The following DCLRE1C variants were observed in gnomAD, a reference collection of about 807,000 sequenced individuals.
The protein encoded by DCLRE1C is protein artemis.
DCLRE1C carries 47 observed loss-of-function variants against 61.4 expected under a neutral mutation model. The ratio of observed to expected loss-of-function variants is 0.77; its 90% CI spans 0.61 to 0.98. The LOEUF (loss-of-function observed/expected upper bound fraction) is 0.98, where lower values mean the gene tolerates loss of function less well. Ranked by LOEUF, DCLRE1C falls within the 50% of genes least tolerant of loss-of-function variation. DCLRE1C has a pLI of 0.00. For missense variants in DCLRE1C, 858 were observed against 816.0 expected (o/e 1.05, Z -0.63); for synonymous variants, 337 against 287.6 (o/e 1.17, Z -1.74).
intron 1 of DCLRE1C, 99 bp downstream of exon 1, chr10:14,953,803 T>TCC (rs1411739462): frequency 6.4e-7 from 1 of 1,557,192 alleles, no homozygotes; most frequent in African/African-American, 1.4e-5. Context: ...CTCGCTGGCT[T>TCC]CCCACAGGCT....
At chr10:14,914,977 C>T (rs1372480833) in intron 13 of DCLRE1C, among the ~76,000 whole-genome samples, 1 of 151,142 alleles carries the variant, frequency 6.6e-6, no homozygotes, top group Non-Finnish European at 1.5e-5. Context: ...TGTTCTCTAA[C>T]CACAATAACA....
Position 14,930,532 on chromosome 10 carries a change from A to T in DCLRE1C, c.780+2322T>A, listed in dbSNP as rs370979193. 1.3e-3 allele frequency among the ~76,000 whole-genome samples: 198 copies of T among 152,058 alleles called. 1 individual carries two copies. The highest frequency in any genetic ancestry group is 4.5e-3 in the African/African-American group (185 of 41,500). On this transcript the variant is annotated intron_variant, in intron 9 of 13. Coordinates refer to ENST00000378278, the MANE Select transcript of DCLRE1C (RefSeq NM_001033855.3). ...ACTGCAACCTCCGCCTCCTAGGTTC[A>T]AGTGATTCTCATGCCTCAGCCTCCC...
chr10:14,899,231 G>A (rs1221165983), exon 14 of DCLRE1C: 1 of 702,130 alleles, frequency 1.4e-6, no homozygotes, highest in Non-Finnish European at 2.6e-6. Flanking sequence ...GAGGCAGGAA[G>A]ATCGCTTGAT....
intron 4 of DCLRE1C, among the ~76,000 whole-genome samples, chr10:14,937,750 G>A (rs544747882): frequency 4.6e-5 from 7 of 152,126 alleles, no homozygotes; most frequent in South Asian, 2.1e-4. Flanking sequence ...AATTAGCTGC[G>A]CATGGTGGTG....
intron 13 of DCLRE1C, among the ~76,000 whole-genome samples, chr10:14,910,282 A>C (rs1041566727): frequency 6.6e-6 from 1 of 152,242 alleles, no homozygotes; most frequent in Non-Finnish European, 1.5e-5. Flanking sequence ...CTTAGGGCTT[A>C]AGGTCACTAA....
chr10:14,926,817 G>C (rs775817024), intron 11 of DCLRE1C, 26 bp downstream of exon 11: 9 of 1,595,560 alleles, frequency 5.6e-6, no homozygotes, highest in Middle Eastern at 1.7e-4. Flanking sequence ...AGCGATAAGG[G>C]TTATGAGTAT....
chr10:14,919,364 T>C (rs1836721887), intron 13 of DCLRE1C, among the ~76,000 whole-genome samples: 2 of 152,336 alleles, frequency 1.3e-5, no homozygotes, highest in South Asian at 4.1e-4. Flanking sequence ...TATCAGCATT[T>C]ACTAGTATCT....
intron 13 of DCLRE1C, among the ~76,000 whole-genome samples, chr10:14,909,987 A>ATTTG (rs879637888): frequency 1.4e-3 from 217 of 152,310 alleles, no homozygotes; most frequent in African/African-American, 4.8e-3. Flanking sequence ...AAAAACAAAT[A>ATTTG]TTTTCCCATC....
Position 14,905,472 on chromosome 10 carries a change from C to T in DCLRE1C, c.*2936G>A, listed in dbSNP as rs1461649732. Among the ~76,000 whole-genome samples, 1 of 152,202 alleles carries T rather than the reference C, an allele frequency of 6.6e-6. No individual in the cohort carries two copies. The highest frequency in any genetic ancestry group is 1.5e-5 in the Non-Finnish European group (1 of 68,046). On this transcript the variant is annotated 3_prime_UTR_variant, in exon 14 of 14. Coordinates refer to ENST00000378278, the MANE Select transcript of DCLRE1C (RefSeq NM_001033855.3). ...ATGTATTCATGTGCTTCTAATGAACCTGTCAGGTTGGTGTAAGGTAACAAG... is the reference window on the plus strand; with the variant it reads ...ATGTATTCATGTGCTTCTAATGAACTTGTCAGGTTGGTGTAAGGTAACAAG...
At chr10:14,934,265 C>G in intron 8 of DCLRE1C, 115 bp downstream of exon 8, 4 of 1,434,110 alleles carry the variant, frequency 2.8e-6, no homozygotes, top group Non-Finnish European at 3.8e-6. Context: ...GAGGTGGAGG[C>G]TGCAGTGAGC....
In DCLRE1C at chr10:14,909,310, A is replaced by G; in HGVS notation, c.1177T>C (p.Phe393Leu). ...RDSEEEDDYL[F>L]DDPLPIPLRH... ...AAAGGTATTGGCAGAGGATCATCAA[A>G]GAGATAGTCATCTTCCTCCTCTGTG... Residue 393 changes from phenylalanine to leucine, a missense_variant, in exon 14 of 14, where the codon TTT becomes CTT. Around this residue, in one of 2 missense-constraint regions of DCLRE1C, gnomAD observed 843 missense variants for 783.5 expected, o/e 1.08. Coordinates refer to ENST00000378278, the MANE Select transcript of DCLRE1C (RefSeq NM_001033855.3). 6.2e-7 allele frequency: 1 copy of G among 1,613,792 alleles called. No individual in the cohort carries two copies. The highest frequency in any genetic ancestry group is 8.5e-7 in the Non-Finnish European group (1 of 1,179,992).
chr10:14,909,662 G>A (rs7900814), intron 13 of DCLRE1C, among the ~76,000 whole-genome samples: 69,305 of 151,792 alleles, frequency 0.46, 18,607 homozygotes, highest in African/African-American at 0.74. Context: ...GAATCCCTGA[G>A]GAAGATAGGA....
chr10:14,948,040 A>T (rs1841946127), intron 2 of DCLRE1C, among the ~76,000 whole-genome samples: 1 of 152,142 alleles, frequency 6.6e-6, no homozygotes, highest in African/African-American at 2.4e-5. Flanking sequence ...ACAGAGCAAC[A>T]CCCTGTCACA....
intron 9 of DCLRE1C, among the ~76,000 whole-genome samples, chr10:14,930,405 T>C (rs979482829): frequency 1.3e-5 from 2 of 150,410 alleles, no homozygotes; most frequent in Non-Finnish European, 3.0e-5. Flanking sequence ...AGTGCTGGGA[T>C]TACAGATGTG....
chr10:14,911,976 G>A (rs73596441), intron 13 of DCLRE1C, among the ~76,000 whole-genome samples: 1,878 of 152,278 alleles, frequency 0.012, 37 homozygotes, highest in African/African-American at 0.041. Flanking sequence ...ACATATTGCC[G>A]GAGAGAATGT....
At chr10:14,918,064 G>A (rs1158406500) in intron 13 of DCLRE1C, among the ~76,000 whole-genome samples, 2 of 152,116 alleles carry the variant, frequency 1.3e-5, no homozygotes, top group African/African-American at 2.4e-5. Flanking sequence ...CTTCTCCTGG[G>A]AACACAAAAT....
chr10:14,945,824 A>T (rs1403284904), intron 2 of DCLRE1C, among the ~76,000 whole-genome samples: 1 of 150,398 alleles, frequency 6.6e-6, no homozygotes, highest in Non-Finnish European at 1.5e-5. Flanking sequence ...ATGCCGGACT[A>T]ATTTTTGTAT....
Position 14,939,777 on chromosome 10 carries a change from T to C in DCLRE1C, c.306+33A>G, listed in dbSNP as rs1234121160. ...AAACAATCATTTTAGCACCACATTT[T>C]TTTAAAAAAATCAATATTTAATATT... On this transcript the variant is annotated intron_variant, in intron 4 of 13. Coordinates refer to ENST00000378278, the MANE Select transcript of DCLRE1C (RefSeq NM_001033855.3). 1.9e-6 allele frequency: 3 copies of C among 1,543,730 alleles called. No homozygotes were observed. In the Admixed American group the frequency reaches 5.1e-5, roughly 26 times the overall value.
intron 13 of DCLRE1C, among the ~76,000 whole-genome samples, chr10:14,917,325 T>C (rs1836354921): frequency 6.6e-6 from 1 of 152,114 alleles, no homozygotes; most frequent in South Asian, 2.1e-4. Context: ...AAAATATTTA[T>C]GCCTTTGGGT....
Sources: allele counts gnomAD v4.1 joint callset (sites outside exome capture counted in the v4.1 genomes callset), GRCh38; gene constraint gnomAD v4.1.1; regional missense constraint gnomAD v4.1.1; transcripts MANE v1.5; gene names NCBI Gene and HGNC (gene_info 2026-07-23, HGNC 2026-07-21).